CRACD: variants seen among roughly 807,000 people sequenced by gnomAD.
CRACD encodes the protein capping protein inhibiting regulator of actin dynamics, also known as capping protein-inhibiting regulator of actin dynamics.
In CRACD, 56 loss-of-function variants were observed where a neutral mutation model predicts 106.8. The ratio of observed to expected loss-of-function variants is 0.52; its 90% CI spans 0.42 to 0.66. The LOEUF (loss-of-function observed/expected upper bound fraction) is 0.66. Ranked by LOEUF, CRACD falls within the 30% of genes least tolerant of loss-of-function variation. The pLI, the probability that CRACD is intolerant of heterozygous loss-of-function variation, is 0.00. For missense variants in CRACD, 1,730 were observed against 1,623.2 expected, an observed-to-expected ratio of 1.07 and a Z score of -1.13; for synonymous variants, 754 against 670.8, an observed-to-expected ratio of 1.12 and a Z score of -1.92.
intron 4 of CRACD, chr4:56,301,208 CTG>C (rs1422060747): frequency 7.8e-6 from 10 of 1,285,296 alleles, no homozygotes; most frequent in Admixed American, 4.7e-5. Context: ...CCCAAAAAGA[CTG>C]TGCTTTATTT....
At chr4:56,134,195 G>C (rs1186152881) in intron 1 of CRACD, among the ~76,000 whole-genome samples, 3 of 145,316 alleles carry the variant, frequency 2.1e-5, no homozygotes, top group African/African-American at 7.5e-5. Flanking sequence ...GTGAGACCCT[G>C]TCTCAAAAAG....
intron 1 of CRACD, among the ~76,000 whole-genome samples, chr4:56,151,903 C>T (rs1381855849): frequency 1.3e-5 from 2 of 152,052 alleles, no homozygotes; most frequent in Admixed American, 6.5e-5. Flanking sequence ...CTCATTGCAC[C>T]CTATCAGGTG....
intron 3 of CRACD, among the ~76,000 whole-genome samples, chr4:56,279,736 C>T (rs543395146): frequency 7.9e-5 from 12 of 152,130 alleles, no homozygotes; most frequent in East Asian, 1.9e-4. Context: ...GTCAGTGTGG[C>T]GATTCCTCAG....
At chr4:56,206,330 G>A (rs1451034543) in intron 2 of CRACD, among the ~76,000 whole-genome samples, 1 of 152,196 alleles carries the variant, frequency 6.6e-6, no homozygotes, top group African/African-American at 2.4e-5. Context: ...AAAATGGCTT[G>A]CCACTGCATG....
At chr4:56,214,195 G>C (rs899269483) in intron 2 of CRACD, among the ~76,000 whole-genome samples, 5 of 152,108 alleles carry the variant, frequency 3.3e-5, no homozygotes, top group African/African-American at 1.2e-4. Context: ...CTTGTAGATG[G>C]CCATCTTCTC....
intron 2 of CRACD, among the ~76,000 whole-genome samples, chr4:56,188,659 TTCTCTCTCTCTCTC>T (rs60141459): frequency 6.0e-5 from 5 of 83,774 alleles, no homozygotes; most frequent in Admixed American, 2.7e-4. Context: ...ATCTCTCTAT[TTCTCTCTCTCTCTC>T]TCTCTCTCTC....
At chr4:56,212,596 G>A (rs531203422) in intron 2 of CRACD, among the ~76,000 whole-genome samples, 9 of 152,276 alleles carry the variant, frequency 5.9e-5, no homozygotes, top group Admixed American at 3.9e-4. Context: ...GGACAGTGGA[G>A]TAGTTAATTC....
intron 1 of CRACD, among the ~76,000 whole-genome samples, chr4:56,072,127 CAAAAA>C (rs531354263): frequency 3.3e-5 from 3 of 91,482 alleles, no homozygotes; most frequent in Non-Finnish European, 2.2e-5. Flanking sequence ...GACTCCGTCT[CAAAAA>C]AAAAAAAAAA....
chr4:56,322,661 A>G (rs960036341), intron 8 of CRACD, among the ~76,000 whole-genome samples: 2 of 152,134 alleles, frequency 1.3e-5, no homozygotes, highest in Non-Finnish European at 2.9e-5. Context: ...CATCTTTCCA[A>G]CATTGGAGTT....
rs76530629 is a variant in CRACD, at chr4:56,095,609, T to C, written c.-336+46310T>C. Among the ~76,000 whole-genome samples the C allele has an allele frequency of 2.4e-3, 365 of 152,192 alleles. 20 individuals are homozygous for C. In the East Asian group the frequency reaches 0.062, roughly 26 times the overall value. On this transcript the variant is annotated intron_variant, in intron 1 of 10. Coordinates refer to ENST00000682029, the MANE Select transcript of CRACD (RefSeq NM_001393381.1). ...TGCGCCTACCTTGGTCAAGAAGCAG[T>C]AAGACCAGTGTGGCCAGGGCAGAGT...
At chr4:56,120,137 A>G (rs76017528) in intron 1 of CRACD, among the ~76,000 whole-genome samples, 1,562 of 152,344 alleles carry the variant, frequency 0.01, 17 homozygotes, top group East Asian at 0.065. Flanking sequence ...CACTGGTTAC[A>G]TACTTAATTC....
At chr4:56,325,249 T>C (rs1746361717) in intron 10 of CRACD, among the ~76,000 whole-genome samples, 1 of 152,154 alleles carries the variant, frequency 6.6e-6, no homozygotes, top group Admixed American at 6.5e-5. Context: ...GTGGGAAGAT[T>C]GCTTGAGCCC....
rs956327376 is a variant in CRACD, at chr4:56,193,062, C to G, written c.-189+13632C>G. Among the ~76,000 whole-genome samples the G allele has an allele frequency of 2.0e-5, 3 of 152,154 alleles. No homozygotes were observed. The East Asian group carries it at 5.8e-4, about 29-fold the overall frequency. The stretch of plus-strand genomic sequence containing the variant: ...TATAAAGAAAAAGCGGTATAATGGA[C>G]TCACAGTTCCACTTGGCTGGGGAGG... On this transcript the variant is annotated intron_variant, in intron 2 of 10. Transcript: ENST00000682029.
intron 7 of CRACD, among the ~76,000 whole-genome samples, chr4:56,313,604 G>C (rs1745301912): frequency 6.6e-6 from 1 of 152,162 alleles, no homozygotes. Flanking sequence ...CCTTTTGAGG[G>C]GCTCCAGACC....
chr4:56,309,220 A>C, intron 5 of CRACD: 1 of 295,570 alleles, frequency 3.4e-6, no homozygotes, highest in Non-Finnish European at 6.8e-6. Flanking sequence ...TGTATAGACC[A>C]TGGGAAAAGG....
chr4:56,307,645 T>C lies in CRACD; in HGVS notation c.231T>C (p.Ser77=). The change falls in exon 5 of 11, where the codon AGT becomes AGC. Residue 77 remains serine, a synonymous_variant. Coordinates refer to ENST00000682029, the MANE Select transcript of CRACD (RefSeq NM_001393381.1). ...ASLEEDLFLT[S]PMEIVTQQDI... ...TAGAAGAGGATCTGTTCCTGACCAG[T>C]CCCATGGAAATTGTGACTCAGCAGG... 6.2e-7 allele frequency: 1 copy of C among 1,614,106 alleles called. No individual in the cohort carries two copies. The highest frequency in any genetic ancestry group is 8.5e-7 in the Non-Finnish European group (1 of 1,180,028).
intron 2 of CRACD, among the ~76,000 whole-genome samples, chr4:56,258,376 T>C (rs1044365409): frequency 3.3e-5 from 5 of 152,188 alleles, no homozygotes; most frequent in African/African-American, 1.2e-4. Context: ...ACTTCTAAAA[T>C]GTATAAAATC....
chr4:56,095,579 T>A (rs755929876), intron 1 of CRACD, among the ~76,000 whole-genome samples: 11 of 151,994 alleles, frequency 7.2e-5, no homozygotes, highest in Non-Finnish European at 1.6e-4. Context: ...TGCTCCAAGG[T>A]GGGCTGCGCC....
At chr4:56,230,583 AT>A (rs1257345709) in intron 2 of CRACD, among the ~76,000 whole-genome samples, 1 of 152,150 alleles carries the variant, frequency 6.6e-6, no homozygotes, top group Non-Finnish European at 1.5e-5. Context: ...AAATGAAGGG[AT>A]TGAACCTGAA....
Sources: gnomAD v4.1 joint callset for allele counts (sites outside exome capture counted in the v4.1 genomes callset) on GRCh38, gnomAD v4.1.1 for gene constraint, MANE v1.5 for transcripts, NCBI Gene and HGNC (gene_info 2026-07-23, HGNC 2026-07-21) for gene names.